DPP4: variants seen among roughly 807,000 people sequenced by gnomAD.
DPP4 encodes the protein ADCP-2.
In DPP4, 93 loss-of-function variants were observed where a neutral mutation model predicts 122.4. The ratio of observed to expected loss-of-function variants is 0.76; its 90% CI spans 0.64 to 0.90. The LOEUF is 0.90. Among genes scored for constraint, DPP4 ranks in the 40% least tolerant of loss-of-function variants. The pLI is 0.00. For synonymous variants in DPP4, 321 were observed against 302.9 expected, an observed-to-expected ratio of 1.06 and a Z score of -0.62; for missense variants, 914 against 907.3, an observed-to-expected ratio of 1.01 and a Z score of -0.09.
rs1683898229 is a variant in DPP4 at position 162,039,149 on chromosome 2, A to T, written c.402T>A (p.Ile134=). ...TCACTGACCTTTTATTTAAATCATA[A>T]ATGTCATATGAAGCTGTGTAGGAAT... is the stretch of plus-strand genomic sequence containing the variant. ...WRHSYTASYD[I]YDLNKRQLIT... The change falls in exon 6 of 26, where the codon ATT becomes ATA. Residue 134 remains isoleucine (I), a synonymous_variant. Transcript: ENST00000360534. The T allele has an allele frequency of 1.9e-6, 3 of 1,612,904 alleles. No individual in the cohort carries two copies. Among genetic ancestry groups the T allele is most frequent in the Non-Finnish European group, 2.5e-6 (3 of 1,179,378 alleles).
At chr2:162,014,225 G>A (rs1297017913) in intron 19 of DPP4, among the ~76,000 whole-genome samples, 171 bp downstream of exon 19, 1 of 152,160 alleles carries the variant, frequency 6.6e-6, no homozygotes, top group Non-Finnish European at 1.5e-5. Flanking sequence ...TTAAGAAGAT[G>A]TGAGAAAACA....
chr2:162,020,167 G>T, intron 14 of DPP4, 62 bp downstream of exon 14: 1 of 1,413,044 alleles, frequency 7.1e-7, no homozygotes, highest in Admixed American at 2.1e-5. Context: ...CCCTACTTCT[G>T]GGCAAAGAGG....
At chr2:161,997,551 G>T (rs1021778050) in intron 23 of DPP4, among the ~76,000 whole-genome samples, 2 of 152,128 alleles carry the variant, frequency 1.3e-5, no homozygotes, top group African/African-American at 4.8e-5. Flanking sequence ...TAGTTTTGCA[G>T]AATCAAGTGT....
intron 20 of DPP4, among the ~76,000 whole-genome samples, chr2:162,010,254 A>G (rs1682638692): frequency 6.6e-6 from 1 of 152,212 alleles, no homozygotes; most frequent in African/African-American, 2.4e-5. Flanking sequence ...AAGTGAATGT[A>G]TCCTTGAAAT....
chr2:162,067,389 C>A (rs2106159499), intron 2 of DPP4, among the ~76,000 whole-genome samples: 1 of 152,252 alleles, frequency 6.6e-6, no homozygotes, highest in East Asian at 1.9e-4. Flanking sequence ...ACTCACCTCT[C>A]CTACTCCCTC....
rs73009188 is a variant in DPP4 at position 162,064,686 on chromosome 2, A to G, written c.94+8713T>C. Among the ~76,000 whole-genome samples the G allele has an allele frequency of 4.9e-3, 743 of 152,268 alleles. 4 individuals carry two copies. Among genetic ancestry groups the G allele is most frequent in the African/African-American group, 0.017 (712 of 41,548 alleles). On this transcript the variant is annotated intron_variant, in intron 2 of 25. Coordinates refer to ENST00000360534, the MANE Select transcript of DPP4 (RefSeq NM_001935.4). The stretch of plus-strand genomic sequence containing the variant: ...CAGTAATTCCCCTCAGATGTTTCTT[A>G]CCTGCTCTATTATCTCAGATTTATA...
chr2:162,050,412 AC>A, intron 2 of DPP4, among the ~76,000 whole-genome samples: 1 of 152,002 alleles, frequency 6.6e-6, no homozygotes, highest in Non-Finnish European at 1.5e-5. Flanking sequence ...GTTTTTGAAA[AC>A]CCATCATCTC....
chr2:162,001,195 A>G (rs1470499767), intron 23 of DPP4, among the ~76,000 whole-genome samples: 2 of 152,222 alleles, frequency 1.3e-5, no homozygotes, highest in East Asian at 1.9e-4. Flanking sequence ...ATAGAAACAC[A>G]GTACTTGGAG....
chr2:162,002,099 G>A (rs181024787), intron 23 of DPP4, among the ~76,000 whole-genome samples: 18 of 152,252 alleles, frequency 1.2e-4, no homozygotes, highest in Admixed American at 3.9e-4. Context: ...AATAGGAAAG[G>A]GTGCTCTGTT....
At chr2:162,012,533 T>C (rs1441522694) in intron 19 of DPP4, among the ~76,000 whole-genome samples, 1 of 152,124 alleles carries the variant, frequency 6.6e-6, no homozygotes, top group Non-Finnish European at 1.5e-5. Flanking sequence ...TGCTAACATT[T>C]AAAACTTCAG....
In DPP4 at chr2:162,020,642, T is replaced by C. The variant is rs1269379700; in HGVS notation, c.1115A>G (p.Tyr372Cys). Reference sequence around the variant, plus strand: ...ACCTTCTTCATTGCTGATGATCTTGTAGAAGCTATTACCATCAAGGGTAAA... The same window carrying C: ...ACCTTCTTCATTGCTGATGATCTTGCAGAAGCTATTACCATCAAGGGTAAA... ...PHFTLDGNSF[Y>C]KIISNEEGYR... Residue 372 changes from tyrosine to cysteine, a missense_variant, in exon 13 of 26, where the codon TAC becomes TGC. By Grantham distance (194) the Tyr-to-Cys change is radical (BLOSUM62 -2). Transcript: ENST00000360534. 6 of 1,612,860 alleles carry C rather than the reference T, an allele frequency of 3.7e-6. No individual in the cohort carries two copies. In the African/African-American group the frequency reaches 6.7e-5, roughly 18 times the overall value.
chr2:162,005,130 A>G (rs930334844), intron 23 of DPP4, among the ~76,000 whole-genome samples: 3 of 152,212 alleles, frequency 2.0e-5, no homozygotes, highest in Non-Finnish European at 4.4e-5. Flanking sequence ...GGGGCTGTCA[A>G]TGATAGTTGC....
chr2:162,029,743 A>C (rs924395570), intron 10 of DPP4, among the ~76,000 whole-genome samples: 3 of 152,176 alleles, frequency 2.0e-5, no homozygotes, highest in Admixed American at 6.5e-5. Flanking sequence ...TGAGCCCCAG[A>C]GCCATTCAAC....
chr2:162,066,489 AC>A (rs1322811213), intron 2 of DPP4, among the ~76,000 whole-genome samples: 1 of 151,964 alleles, frequency 6.6e-6, no homozygotes, highest in Non-Finnish European at 1.5e-5. Context: ...TCTCTATCCC[AC>A]TTGATTTCTG....
At chr2:162,025,021 C>A in intron 10 of DPP4, 82 bp from the exon 11 acceptor site, 1 of 1,475,272 alleles carries the variant, frequency 6.8e-7, no homozygotes, top group Non-Finnish European at 9.1e-7. Context: ...AGACATTTTA[C>A]TCAGTGAAAA....
intron 23 of DPP4, among the ~76,000 whole-genome samples, chr2:161,996,823 C>A (rs886345386): frequency 1.3e-5 from 2 of 152,034 alleles, no homozygotes; most frequent in African/African-American, 2.4e-5. Flanking sequence ...AGGAAAAAAA[C>A]CATAATGTAT....
chr2:162,043,934 A>G (rs1241095094), intron 5 of DPP4, among the ~76,000 whole-genome samples: 2 of 152,170 alleles, frequency 1.3e-5, no homozygotes, highest in Non-Finnish European at 2.9e-5. Flanking sequence ...AGGCTGAGGT[A>G]GGAGGATTAG....
At chr2:162,010,965 C>T (rs944222427) in intron 20 of DPP4, among the ~76,000 whole-genome samples, 1 of 152,120 alleles carries the variant, frequency 6.6e-6, no homozygotes, top group African/African-American at 2.4e-5. Context: ...TTACATTTCC[C>T]ACATACCAGT....
Position 162,066,312 on chromosome 2 carries a change from T to C in DPP4, c.94+7087A>G, listed in dbSNP as rs537659607. Among the ~76,000 whole-genome samples the C allele has an allele frequency of 9.2e-5, 14 of 152,206 alleles. No homozygotes were observed. The South Asian group carries it at 2.9e-3, about 32-fold the overall frequency. On this transcript the variant is annotated intron_variant, in intron 2 of 25. Transcript: ENST00000360534. Reference sequence around the variant, plus strand: ...ACCATCCTTCTCCAAGCCACCATCATTGATCACCTGGACAAACCACACCAA... The same window carrying C: ...ACCATCCTTCTCCAAGCCACCATCACTGATCACCTGGACAAACCACACCAA...
Sources: allele counts gnomAD v4.1 joint callset (sites outside exome capture counted in the v4.1 genomes callset), GRCh38; gene constraint gnomAD v4.1.1; transcripts MANE v1.5; gene names NCBI Gene and HGNC (gene_info 2026-07-23, HGNC 2026-07-21).